The following ZBTB16 variants were observed in gnomAD, a reference collection of about 807,000 sequenced individuals.
ZBTB16 encodes zinc finger and BTB domain containing 16.
ZBTB16 carries 8 observed loss-of-function variants against 56.8 expected under a neutral mutation model. That is an observed-to-expected ratio of 0.14 (90% CI 0.08 to 0.25). The LOEUF is 0.25. Among genes scored for constraint, ZBTB16 ranks in the 10% least tolerant of loss-of-function variants. ZBTB16 has a pLI of 1.00. For synonymous variants in ZBTB16, 363 were observed against 368.5 expected (o/e 0.98, Z 0.17); for missense variants, 625 against 903.0 (o/e 0.69, Z 3.95).
At chr11:114,101,304 C>T (rs552395238) in intron 2 of ZBTB16, among the ~76,000 whole-genome samples, 2 of 151,994 alleles carry the variant, frequency 1.3e-5, no homozygotes, top group South Asian at 4.2e-4. Flanking sequence ...AGCGCGAGGC[C>T]TTGTTTGGTG....
intron 4 of ZBTB16, among the ~76,000 whole-genome samples, chr11:114,220,325 C>A (rs760316390): frequency 6.6e-6 from 1 of 152,174 alleles, no homozygotes; most frequent in Non-Finnish European, 1.5e-5. Context: ...CAGGCCTCCA[C>A]TGTGGTGTTG....
chr11:114,172,158 A>G (rs531813429), intron 3 of ZBTB16, among the ~76,000 whole-genome samples: 1 of 152,328 alleles, frequency 6.6e-6, no homozygotes, highest in African/African-American at 2.4e-5. Flanking sequence ...AGTCCATAGG[A>G]GTTCCCTACT....
intron 2 of ZBTB16, among the ~76,000 whole-genome samples, chr11:114,137,842 A>G (rs1941837573): frequency 6.6e-6 from 1 of 152,170 alleles, no homozygotes; most frequent in Non-Finnish European, 1.5e-5. Context: ...TTCCTCCCCT[A>G]GGGAATAGGA....
chr11:114,162,857 G>A (rs1476010958), intron 3 of ZBTB16, among the ~76,000 whole-genome samples: 1 of 152,092 alleles, frequency 6.6e-6, no homozygotes, highest in Admixed American at 6.5e-5. Context: ...CCCCCAGCTC[G>A]CTCTTGAACA....
At chr11:114,102,076 C>G (rs116580490) in intron 2 of ZBTB16, among the ~76,000 whole-genome samples, 373 of 152,294 alleles carry the variant, frequency 2.4e-3, no homozygotes, top group African/African-American at 8.3e-3. Context: ...TCTGAGCATG[C>G]CAGGGATGGC....
chr11:114,107,890 C>G (rs1338524579), intron 2 of ZBTB16, among the ~76,000 whole-genome samples: 1 of 150,054 alleles, frequency 6.7e-6, no homozygotes, highest in Non-Finnish European at 1.5e-5. Context: ...TTGGAGTGAA[C>G]AGAAAATACA....
chr11:114,110,232 A>G (rs1238914061), intron 2 of ZBTB16, among the ~76,000 whole-genome samples: 1 of 151,868 alleles, frequency 6.6e-6, no homozygotes, highest in Non-Finnish European at 1.5e-5. Flanking sequence ...TTTCTTGGAG[A>G]TGTGGAGCAT....
intron 4 of ZBTB16, among the ~76,000 whole-genome samples, chr11:114,232,695 G>C (rs1944464969): frequency 7.8e-6 from 1 of 128,406 alleles, no homozygotes; most frequent in Non-Finnish European, 1.7e-5. Context: ...CTGGGTTGTT[G>C]AAGTTGGTCC....
chr11:114,096,300 G>T (rs1216141863), intron 2 of ZBTB16, among the ~76,000 whole-genome samples: 1 of 152,094 alleles, frequency 6.6e-6, no homozygotes, highest in African/African-American at 2.4e-5. Flanking sequence ...AAATTCGGAG[G>T]TTTTGACTTA....
chr11:114,167,087 A>G (rs1942777562), intron 3 of ZBTB16, among the ~76,000 whole-genome samples: 1 of 152,170 alleles, frequency 6.6e-6, no homozygotes, highest in Non-Finnish European at 1.5e-5. Flanking sequence ...AGAACAGGCT[A>G]AATTTAAAAT....
At chr11:114,131,173 T>C (rs1181463447) in intron 2 of ZBTB16, among the ~76,000 whole-genome samples, 1 of 152,218 alleles carries the variant, frequency 6.6e-6, no homozygotes, top group East Asian at 1.9e-4. Context: ...TGGCAGTGCC[T>C]GAGACATGTT....
intron 2 of ZBTB16, among the ~76,000 whole-genome samples, chr11:114,115,839 C>T (rs1244753946): frequency 6.6e-6 from 1 of 152,134 alleles, no homozygotes; most frequent in African/African-American, 2.4e-5. Context: ...GCTGCCCCTA[C>T]CCTGCAGTAG....
At chr11:114,152,319 A>G (rs745536331) in intron 2 of ZBTB16, among the ~76,000 whole-genome samples, 4 of 152,228 alleles carry the variant, frequency 2.6e-5, no homozygotes, top group African/African-American at 9.6e-5. Context: ...AAATGGTTCA[A>G]ATGATGAGCT....
At chr11:114,124,570 A>AAAAAAAAAAAAAAAAAAAAAAAC (rs1565638154) in intron 2 of ZBTB16, among the ~76,000 whole-genome samples, 2 of 146,640 alleles carry the variant, frequency 1.4e-5, no homozygotes, top group South Asian at 2.1e-4. Flanking sequence ...AAAAAAAAAA[A>AAAAAAAAAAAAAAAAAAAAAAAC]AACAAAAACA....
Position 114,127,159 on chromosome 11 carries a change from G to A in ZBTB16, c.1269-29178G>A, listed in dbSNP as rs184082915. ...ACAGCAGTGTAGCCCCTTCATCTCA[G>A]CGTGATGGTGGGAGGGGGTCGTATG... On this transcript the variant is annotated intron_variant, in intron 2 of 6. Coordinates refer to ENST00000335953, the MANE Select transcript of ZBTB16 (RefSeq NM_006006.6). 3.1e-3 allele frequency among the ~76,000 whole-genome samples: 467 copies of A among 152,220 alleles called. 5 individuals carry two copies. The East Asian group carries it at 0.033, about 11-fold the overall frequency.
chr11:114,241,944 T>C (rs1055466787), intron 4 of ZBTB16, among the ~76,000 whole-genome samples: 6 of 152,208 alleles, frequency 3.9e-5, no homozygotes, highest in Non-Finnish European at 8.8e-5. Flanking sequence ...ATGTCTATCC[T>C]TTAGCTTTAG....
intron 2 of ZBTB16, among the ~76,000 whole-genome samples, chr11:114,091,588 C>T (rs1308070479): frequency 6.6e-6 from 1 of 151,582 alleles, no homozygotes; most frequent in Admixed American, 6.6e-5. Context: ...TTTCCTTTCC[C>T]CAATCTTTTG....
chr11:114,076,371 C>A (rs1234986899), intron 2 of ZBTB16, among the ~76,000 whole-genome samples: 1 of 152,154 alleles, frequency 6.6e-6, no homozygotes, highest in Admixed American at 6.5e-5. Context: ...CATTTCTGGG[C>A]ACGCACGCTC....
At chr11:114,082,835 C>T (rs1435534920) in intron 2 of ZBTB16, among the ~76,000 whole-genome samples, 1 of 152,120 alleles carries the variant, frequency 6.6e-6, no homozygotes, top group Non-Finnish European at 1.5e-5. Flanking sequence ...GACTGTTACC[C>T]GTCTCTCTAA....
Sources: gnomAD v4.1 joint callset for allele counts (sites outside exome capture counted in the v4.1 genomes callset) on GRCh38, gnomAD v4.1.1 for gene constraint, MANE v1.5 for transcripts, NCBI Gene and HGNC (gene_info 2026-07-23, HGNC 2026-07-21) for gene names.